SLC35B3: variants seen among roughly 807,000 people sequenced by gnomAD.
SLC35B3 encodes the protein solute carrier family 35 member B3.
A neutral mutation model predicts 44.1 loss-of-function variants in SLC35B3; 35 were observed. The observed-to-expected ratio is 0.79, with a 90% CI of 0.61 to 1.05. The LOEUF (loss-of-function observed/expected upper bound fraction) is 1.05. Ranked by LOEUF, SLC35B3 falls within the 50% of genes least tolerant of loss-of-function variation. SLC35B3 has a pLI of 0.00. For missense variants in SLC35B3, 414 were observed against 476.4 expected (o/e 0.87, Z 1.22); for synonymous variants, 146 against 167.3 (o/e 0.87, Z 0.98).
intron 4 of SLC35B3, among the ~76,000 whole-genome samples, chr6:8,422,850 C>T (rs961781835): frequency 6.6e-6 from 1 of 151,182 alleles, no homozygotes; most frequent in African/African-American, 2.4e-5. Flanking sequence ...AACGAGGCCA[C>T]TCAATTATGT....
rs1285643664 is a variant in SLC35B3 at position 8,420,369 on chromosome 6, C to T, written c.682+352G>A. ...TTATTGCTTGTCAATCAAGTTGTGTCAGTTAACTCAGTTTTCACAAAAACA... is the reference window on the plus strand; with the variant it reads ...TTATTGCTTGTCAATCAAGTTGTGTTAGTTAACTCAGTTTTCACAAAAACA... On this transcript the variant is annotated intron_variant, in intron 6 of 10. Transcript: ENST00000644923. The surrounding 1 kb of genome is among the most constrained non-coding windows in gnomAD (Gnocchi z 4.4). Among the ~76,000 whole-genome samples the T allele has an allele frequency of 1.3e-5, 2 of 152,176 alleles. No homozygotes were observed. The highest frequency in any genetic ancestry group is 1.3e-4 in the Admixed American group (2 of 15,282).
In SLC35B3 at chr6:8,418,571, T is replaced by TAA. The variant is rs1341983589; in HGVS notation, c.780+1008_780+1009insTT. Among the ~76,000 whole-genome samples the TAA allele has an allele frequency of 7.5e-5, 11 of 147,402 alleles. No homozygotes were observed. In the East Asian group the frequency reaches 2.1e-3, roughly 29 times the overall value. On this transcript the variant is annotated intron_variant, in intron 7 of 10. Coordinates refer to ENST00000644923, the MANE Select transcript of SLC35B3 (RefSeq NM_001370476.2). Reference sequence around the variant, plus strand: ...ACTACTTGCAAAAAAAAAAAACAGTTACAAGAGATACAGAAAGATATTATT... The same window carrying TAA: ...ACTACTTGCAAAAAAAAAAAACAGTTAAACAAGAGATACAGAAAGATATTATT...
At chr6:8,427,584 T>C (rs1763537117) in intron 4 of SLC35B3, among the ~76,000 whole-genome samples, 1 of 152,366 alleles carries the variant, frequency 6.6e-6, no homozygotes, top group East Asian at 1.9e-4. Context: ...CCTGTACTGA[T>C]ATTTCATTTC....
In SLC35B3 at chr6:8,432,222, G is replaced by A. The variant is rs1432203415; in HGVS notation, c.4-2065C>T. Among the ~76,000 whole-genome samples, 2 of 151,734 alleles carry A rather than the reference G, an allele frequency of 1.3e-5. No homozygotes were observed. The highest frequency in any genetic ancestry group is 2.4e-5 in the African/African-American group (1 of 41,310). ...AATCACTCACCTTCTGCTTGGATAC[G>A]ATTTTTGAAATGGATGGTGGTACTG... On this transcript the variant is annotated intron_variant, in intron 2 of 10. Coordinates refer to ENST00000644923, the MANE Select transcript of SLC35B3 (RefSeq NM_001370476.2). This position sits in a 1 kb window ranked among gnomAD's most constrained non-coding sequence, Gnocchi z 4.8.
chr6:8,417,302 C>T, intron 8 of SLC35B3, 100 bp downstream of exon 7: 1 of 716,046 alleles, frequency 1.4e-6, no homozygotes, highest in African/African-American at 1.8e-5. Context: ...AAGGAGGTAT[C>T]ATTATATCTA....
chr6:8,432,457 C>T lies in SLC35B3; in HGVS notation c.3+1928G>A, dbSNP rs1764083485. 3.3e-5 allele frequency among the ~76,000 whole-genome samples: 5 copies of T among 152,056 alleles called. 1 individual carries two copies. In the South Asian group the frequency reaches 1.0e-3, roughly 32 times the overall value. ...TCTGAGATGTTTGTAATTTAGTAAA[C>T]TGCCAAGCATATTGTAATGACTCAA... On this transcript the variant is annotated intron_variant, in intron 2 of 10. Transcript: ENST00000644923. The surrounding 1 kb of genome is among the most constrained non-coding windows in gnomAD (Gnocchi z 4.8).
At position 8,419,534 on chromosome 6, in the gene SLC35B3, T is replaced by C. The variant is rs771146615; in HGVS notation, c.780+46A>G. 1 of 1,019,146 alleles carries C rather than the reference T, an allele frequency of 9.8e-7. No individual in the cohort carries two copies. 63.1% of individuals were successfully genotyped at this position (1,019,146 alleles called of 1,614,324 possible). A position where few individuals can be genotyped will look rare whatever the true frequency, so the allele number is the denominator to read the frequency against. ...TTTCATCAAATTACGTGTATCACCATTTTTTAAATCTGTCTAATTTGAAGA... is the reference window on the plus strand; with the variant it reads ...TTTCATCAAATTACGTGTATCACCACTTTTTAAATCTGTCTAATTTGAAGA... On this transcript the variant is annotated intron_variant, in intron 7 of 10. Transcript: ENST00000644923. This position sits in a 1 kb window ranked among gnomAD's most constrained non-coding sequence, Gnocchi z 4.3.
chr6:8,416,212 T>C (rs1296044461), intron 9 of SLC35B3, among the ~76,000 whole-genome samples: 1 of 152,220 alleles, frequency 6.6e-6, no homozygotes. Context: ...TAGCTATGAT[T>C]ATTGCCAGCT....
chr6:8,428,173 C>T, intron 3 of SLC35B3, 115 bp from the exon 3 acceptor site: 1 of 982,640 alleles, frequency 1.0e-6, no homozygotes, highest in Non-Finnish European at 1.4e-6. Context: ...CCAACAACAA[C>T]AAAATGTAAA....
chr6:8,414,742 T>C (rs1292901049), intron 10 of SLC35B3, among the ~76,000 whole-genome samples, 166 bp downstream of exon 9: 1 of 151,978 alleles, frequency 6.6e-6, no homozygotes, highest in African/African-American at 2.4e-5. Context: ...GATGAAAAGG[T>C]TTCTTTATAA....
chr6:8,428,918 G>A (rs1044053303), intron 3 of SLC35B3, among the ~76,000 whole-genome samples: 5 of 151,814 alleles, frequency 3.3e-5, no homozygotes, highest in Non-Finnish European at 5.9e-5. Flanking sequence ...CATTAATATT[G>A]TTCATAGCAT....
intron 7 of SLC35B3, among the ~76,000 whole-genome samples, chr6:8,418,156 C>A (rs2113303801): frequency 6.6e-6 from 1 of 152,132 alleles, no homozygotes; most frequent in East Asian, 1.9e-4. Context: ...AGTAATTTTC[C>A]CCAAATGAGT....
rs1392157737 is a variant in SLC35B3 at position 8,434,952 on chromosome 6, C to A, written c.-44+391G>T. ...TGGAGAAAAGAGTACCTTGGAGTGC[C>A]CCTATTTAATAAACACGGAACGAGG... On this transcript the variant is annotated intron_variant, in intron 1 of 10. Transcript: ENST00000644923. The surrounding 1 kb of genome is among the most constrained non-coding windows in gnomAD (Gnocchi z 6.3). 2.2e-6 allele frequency: 1 copy of A among 464,084 alleles called. No individual in the cohort carries two copies. Among genetic ancestry groups the A allele is most frequent in the African/African-American group, 2.1e-5 (1 of 47,980 alleles). The allele number at this position is 464,084 out of a possible 1,614,324, so 28.7% of individuals were successfully genotyped here. A position where few individuals can be genotyped will look rare whatever the true frequency, so the allele number is the denominator to read the frequency against.
Position 8,411,655 on chromosome 6 carries a change from C to T in SLC35B3, c.*1894G>A, listed in dbSNP as rs1295197411. ...GCAAATGGGCAAATGAAAACCAGTC[C>T]GAATTCCTCATGCTGGACCCCTCCA... On this transcript the variant is annotated 3_prime_UTR_variant, in exon 11 of 11. Coordinates refer to ENST00000644923, the MANE Select transcript of SLC35B3 (RefSeq NM_001370476.2). Among the ~76,000 whole-genome samples the T allele has an allele frequency of 2.6e-5, 4 of 152,068 alleles. No homozygotes were observed. Among genetic ancestry groups the T allele is most frequent in the African/African-American group, 4.8e-5 (2 of 41,406 alleles).
rs1399277719 is a variant in SLC35B3 at position 8,412,120 on chromosome 6, C to A, written c.*1429G>T. On this transcript the variant is annotated 3_prime_UTR_variant, in exon 11 of 11. Coordinates refer to ENST00000644923, the MANE Select transcript of SLC35B3 (RefSeq NM_001370476.2). ...TTAGCACCCAAGGGAGCTTGTTTGG[C>A]CCTTCATCATATAAGGACATAATGA... 2.0e-5 allele frequency among the ~76,000 whole-genome samples: 3 copies of A among 152,086 alleles called. No homozygotes were observed. Among genetic ancestry groups the A allele is most frequent in the Non-Finnish European group, 4.4e-5 (3 of 68,004 alleles).
intron 7 of SLC35B3, 62 bp from the exon 7 acceptor site, chr6:8,417,556 G>T: frequency 1.1e-6 from 1 of 932,550 alleles, no homozygotes; most frequent in Admixed American, 2.7e-5. Context: ...AAGATTAAGG[G>T]TTTTAACTCT....
chr6:8,428,615 C>T (rs557934097), intron 3 of SLC35B3, among the ~76,000 whole-genome samples: 118 of 152,200 alleles, frequency 7.8e-4, no homozygotes, highest in African/African-American at 2.7e-3. Flanking sequence ...AAAAACTTTG[C>T]ATAAACCAAT....
Position 8,413,459 on chromosome 6 carries a change from A to G in SLC35B3, c.*90T>C. 1.7e-6 allele frequency: 2 copies of G among 1,175,828 alleles called. No homozygotes were observed. Among genetic ancestry groups the G allele is most frequent in the Middle Eastern group, 2.8e-4 (1 of 3,518 alleles). The allele number at this position is 1,175,828 out of a possible 1,614,324, so 72.8% of individuals were successfully genotyped here. On this transcript the variant is annotated 3_prime_UTR_variant, in exon 11 of 11. Transcript: ENST00000644923. ...CCACAAATGGGATAGCAATGCCTCC[A>G]GATCCTTTGGTTTTTATCAGTCCCT... is the stretch of plus-strand genomic sequence containing the variant.
chr6:8,416,379 A>G (rs1762414396), intron 9 of SLC35B3, among the ~76,000 whole-genome samples: 6 of 151,996 alleles, frequency 3.9e-5, no homozygotes, highest in Admixed American at 3.9e-4. Context: ...AATACAACTG[A>G]TTTTTCTACA....
Sources: allele counts gnomAD v4.1 joint callset (sites outside exome capture counted in the v4.1 genomes callset), GRCh38; gene constraint gnomAD v4.1.1; non-coding constraint Gnocchi (gnomAD v3.1); transcripts MANE v1.5; gene names NCBI Gene and HGNC (gene_info 2026-07-23, HGNC 2026-07-21).